FBLIM1: variants seen among roughly 807,000 people sequenced by gnomAD.
The protein encoded by FBLIM1 is filamin binding LIM protein 1.
A neutral mutation model predicts 37.4 loss-of-function variants in FBLIM1; 29 were observed. That is an observed-to-expected ratio of 0.77 (90% CI 0.58 to 1.06). The LOEUF (loss-of-function observed/expected upper bound fraction) is 1.06. FBLIM1 is among the 50% of genes least tolerant of loss of function. The probability of loss-of-function intolerance (pLI) is 0.00; values close to 1 mark genes in which losing one functional copy is unlikely to be tolerated. For missense variants in FBLIM1, 449 were observed against 505.6 expected (o/e 0.89, Z 1.07); for synonymous variants, 193 against 199.0 (o/e 0.97, Z 0.25).
intron 5 of FBLIM1, 78 bp downstream of exon 5, chr1:15,768,708 T>C: frequency 1.8e-6 from 2 of 1,090,336 alleles, no homozygotes; most frequent in Non-Finnish European, 2.5e-6. Flanking sequence ...ACCAAGAGAG[T>C]GAGGACCCCT....
chr1:15,762,132 C>T (rs1019116651), intron 1 of FBLIM1, among the ~76,000 whole-genome samples: 4 of 151,218 alleles, frequency 2.6e-5, no homozygotes, highest in Non-Finnish European at 5.9e-5. Flanking sequence ...TCTGTCACCT[C>T]GGCTGGAGTG....
At chr1:15,774,217 A>C (rs909970734) in intron 6 of FBLIM1, among the ~76,000 whole-genome samples, 88 of 152,276 alleles carry the variant, frequency 5.8e-4, no homozygotes, top group African/African-American at 2.1e-3. Flanking sequence ...CTGAGCTTCC[A>C]AGTGGCCAAA....
chr1:15,770,680 T>C (rs574259993), intron 6 of FBLIM1, 102 bp downstream of exon 6: 3 of 1,346,710 alleles, frequency 2.2e-6, no homozygotes, highest in South Asian at 2.8e-5. Context: ...GTAGGCACTA[T>C]TGACCCCTTT....
Position 15,765,819 on chromosome 1 carries a change from C to T in FBLIM1, c.250+586C>T, listed in dbSNP as rs1262895658. ...GCCCACCTGCCCTGTGGCCTCGGGT[C>T]CCCCTGCTTCTCTCTTGAATTCCTG... is the stretch of plus-strand genomic sequence containing the variant. On this transcript the variant is annotated intron_variant, in intron 3 of 8. Coordinates refer to ENST00000375766, the MANE Select transcript of FBLIM1 (RefSeq NM_017556.4). This position sits in a 1 kb window ranked among gnomAD's most constrained non-coding sequence, Gnocchi z 5.9. 6.6e-6 allele frequency among the ~76,000 whole-genome samples: 1 copy of T among 152,156 alleles called. No homozygotes were observed. Among genetic ancestry groups the T allele is most frequent in the Non-Finnish European group, 1.5e-5 (1 of 68,020 alleles).
At chr1:15,777,753 A>G (rs1199080096) in intron 8 of FBLIM1, among the ~76,000 whole-genome samples, 2 of 151,848 alleles carry the variant, frequency 1.3e-5, no homozygotes, top group African/African-American at 4.8e-5. Flanking sequence ...TTGTATTTTT[A>G]GTAGAGACAG....
chr1:15,763,556 A>T (rs1270633889), intron 1 of FBLIM1, among the ~76,000 whole-genome samples: 2 of 148,340 alleles, frequency 1.3e-5, no homozygotes, highest in African/African-American at 2.5e-5. Context: ...GAATGGCGTG[A>T]ACCTGGGAAG....
At chr1:15,771,240 T>G (rs1000044472) in intron 6 of FBLIM1, among the ~76,000 whole-genome samples, 4 of 88,496 alleles carry the variant, frequency 4.5e-5, no homozygotes, top group Non-Finnish European at 7.3e-5. Context: ...GCCCAGCCTG[T>G]TTTTTTTTGT....
chr1:15,764,883 G>T, intron 2 of FBLIM1, 81 bp from the exon 3 acceptor site: 1 of 1,477,868 alleles, frequency 6.8e-7, no homozygotes. Flanking sequence ...CTTTTTGGGA[G>T]GAGGGAGGCT....
chr1:15,760,007 T>G (rs1166036789), intron 1 of FBLIM1, among the ~76,000 whole-genome samples: 4 of 152,038 alleles, frequency 2.6e-5, no homozygotes, highest in Non-Finnish European at 5.9e-5. Flanking sequence ...GCGGATTACC[T>G]GAAGTCAGGA....
chr1:15,774,050 A>G (rs574252390), intron 6 of FBLIM1, among the ~76,000 whole-genome samples: 2 of 152,078 alleles, frequency 1.3e-5, no homozygotes, highest in Admixed American at 1.3e-4. Context: ...CATGAGAATC[A>G]CTTGAACCTC....
chr1:15,784,739 C>A lies in FBLIM1; in HGVS notation c.*78C>A. 1 of 1,241,852 alleles carries A rather than the reference C, an allele frequency of 8.1e-7. No individual in the cohort carries two copies. Among genetic ancestry groups the A allele is most frequent in the Non-Finnish European group, 1.2e-6 (1 of 858,052 alleles). The allele number at this position is 1,241,852 out of a possible 1,614,324, so 76.9% of individuals were successfully genotyped here. A position where few individuals can be genotyped will look rare whatever the true frequency, so the allele number is the denominator to read the frequency against. The stretch of plus-strand genomic sequence containing the variant: ...TGACTTGGTTTCCCTTCCTAACCTG[C>A]TCTTGCACACTTTCCTTCTGAGCCT... On this transcript the variant is annotated 3_prime_UTR_variant, in exon 9 of 9. Coordinates refer to ENST00000375766, the MANE Select transcript of FBLIM1 (RefSeq NM_017556.4).
intron 1 of FBLIM1, among the ~76,000 whole-genome samples, chr1:15,764,131 A>G (rs1212300549): frequency 6.6e-6 from 1 of 152,108 alleles, no homozygotes; most frequent in African/African-American, 2.4e-5. Context: ...GCAAGCAAGG[A>G]GGGTGCTGGC....
intron 1 of FBLIM1, among the ~76,000 whole-genome samples, chr1:15,761,747 G>A (rs1308444059): frequency 1.3e-5 from 2 of 152,160 alleles, no homozygotes; most frequent in Non-Finnish European, 2.9e-5. Flanking sequence ...ACTGAGCTAT[G>A]TATTTTAGCC....
chr1:15,784,891 G>A lies in FBLIM1; in HGVS notation c.*230G>A, dbSNP rs1328589100. ...TCCTGGACCATGAGCTTCACCCCCAGAATTCCCTGCTGACCCTGCCCCACT... is the reference window on the plus strand; with the variant it reads ...TCCTGGACCATGAGCTTCACCCCCAAAATTCCCTGCTGACCCTGCCCCACT... On this transcript the variant is annotated 3_prime_UTR_variant, in exon 9 of 9. Coordinates refer to ENST00000375766, the MANE Select transcript of FBLIM1 (RefSeq NM_017556.4). 9.8e-6 allele frequency: 4 copies of A among 407,184 alleles called. No individual in the cohort carries two copies. In the East Asian group the frequency reaches 1.0e-4, roughly 11 times the overall value. 25.2% of individuals were successfully genotyped at this position (407,184 alleles called of 1,614,324 possible).
intron 1 of FBLIM1, among the ~76,000 whole-genome samples, chr1:15,762,260 GTT>G (rs57122494): frequency 1.4e-4 from 15 of 108,662 alleles, no homozygotes; most frequent in South Asian, 6.3e-4. Context: ...TGGCTAATTT[GTT>G]TTTTTTTTTT....
rs1003822888 is a variant in FBLIM1 at position 15,768,372 on chromosome 1, T to G, written c.439-156T>G. On this transcript the variant is annotated intron_variant, in intron 4 of 8. Transcript: ENST00000375766. ...CAGTCAGCTGCCACTGTGACCTTCC[T>G]GCTGAGAGACTTACGCAGGTCCCTT... Among the ~76,000 whole-genome samples the G allele has an allele frequency of 2.0e-5, 3 of 152,130 alleles. No homozygotes were observed. The East Asian group carries it at 5.8e-4, about 29-fold the overall frequency.
intron 8 of FBLIM1, among the ~76,000 whole-genome samples, chr1:15,779,924 G>A (rs2069593553): frequency 6.6e-6 from 1 of 152,128 alleles, no homozygotes; most frequent in South Asian, 2.1e-4. Context: ...GAGTCAGGCT[G>A]GAGTGCAGTA....
In FBLIM1 at chr1:15,777,201, A is replaced by G; in HGVS notation, c.922A>G (p.Asn308Asp). The change falls in exon 8 of 9, where the codon AAT (asparagine) becomes GAT (aspartate). Residue 308 changes from asparagine to aspartate, a missense_variant. Transcript: ENST00000375766. ...CGCCCCCGTCTGCAGCATCTGTGAA[A>G]ATCCCATCATCCCTCGGGATGGGAA... ...KFAPVCSICE[N>D]PIIPRDGKDA... is the part of the protein sequence containing the mutation. 1 of 1,611,436 alleles carries G rather than the reference A, an allele frequency of 6.2e-7. No homozygotes were observed. The highest frequency in any genetic ancestry group is 8.5e-7 in the Non-Finnish European group (1 of 1,177,948).
chr1:15,783,498 A>C (rs993187462), intron 8 of FBLIM1, among the ~76,000 whole-genome samples: 2 of 151,522 alleles, frequency 1.3e-5, no homozygotes, highest in Non-Finnish European at 2.9e-5. Context: ...ACTCATCAGC[A>C]GATACCCATG....
Sources: gnomAD v4.1 joint callset for allele counts (sites outside exome capture counted in the v4.1 genomes callset) on GRCh38, gnomAD v4.1.1 for gene constraint, Gnocchi (gnomAD v3.1) non-coding constraint, MANE v1.5 for transcripts, NCBI Gene and HGNC (gene_info 2026-07-23, HGNC 2026-07-21) for gene names.